The following UBOX5 variants were observed in gnomAD, a reference collection of about 807,000 sequenced individuals.
UBOX5 encodes RING finger protein 37.
Under a neutral mutation model 39.0 loss-of-function variants are expected in UBOX5, and 28 were observed. That is an observed-to-expected ratio of 0.72 (90% CI 0.53 to 0.98). UBOX5 has a LOEUF of 0.98. Among genes scored for constraint, UBOX5 ranks in the 50% least tolerant of loss-of-function variants. The pLI, the probability that UBOX5 is intolerant of heterozygous loss-of-function variation, is 0.00. For synonymous variants in UBOX5, 283 were observed against 275.5 expected, an observed-to-expected ratio of 1.03 and a Z score of -0.27; for missense variants, 585 against 674.4, an observed-to-expected ratio of 0.87 and a Z score of 1.47.
chr20:3,128,533 G>A (rs1403971904), intron 1 of UBOX5, among the ~76,000 whole-genome samples: 1 of 152,142 alleles, frequency 6.6e-6, no homozygotes, highest in African/African-American at 2.4e-5. Flanking sequence ...GCTCCAGGCA[G>A]TTCCCTCTTC....
In UBOX5 at chr20:3,122,395, C is replaced by G. The variant is rs2066345602; in HGVS notation, c.244G>C (p.Glu82Gln). Residue 82 changes from glutamate (E) to glutamine (Q), a missense_variant, in exon 3 of 5, where the codon GAA (glutamate) becomes CAA (glutamine). By Grantham distance (29) the Glu-to-Gln change is conservative. Transcript: ENST00000217173. ...CTAGATGAGGCAGATGTGTACATTT[C>G]CAGGCCAGTGACGTTCTGACCTCCC... ...AGGGQNVTGL[E>Q]MYTSASSSRV... 1.2e-6 allele frequency: 2 copies of G among 1,614,062 alleles called. No homozygotes were observed. Among genetic ancestry groups the G allele is most frequent in the African/African-American group, 1.3e-5 (1 of 74,930 alleles).
At chr20:3,120,345 CAA>C (rs35882932) in intron 3 of UBOX5, among the ~76,000 whole-genome samples, 6 of 70,978 alleles carry the variant, frequency 8.5e-5, no homozygotes, top group African/African-American at 1.0e-4. Context: ...GACTCCATCT[CAA>C]AAAAAAAAAA....
chr20:3,148,480 C>T, intron 1 of UBOX5: 4 of 1,614,128 alleles, frequency 2.5e-6, no homozygotes, highest in Non-Finnish European at 2.5e-6. Context: ...AGAGCTGTAT[C>T]TTCTTCACAC....
At chr20:3,117,887 G>A (rs988107264) in intron 3 of UBOX5, among the ~76,000 whole-genome samples, 1 of 152,066 alleles carries the variant, frequency 6.6e-6, no homozygotes, top group African/African-American at 2.4e-5. Context: ...AGCTAATCAG[G>A]AGGCTGAGGC....
chr20:3,138,979 A>G (rs375584971), intron 1 of UBOX5, among the ~76,000 whole-genome samples: 2 of 152,184 alleles, frequency 1.3e-5, no homozygotes, highest in African/African-American at 4.8e-5. Context: ...AGGTTACAGA[A>G]GGGAAAAAAA....
intron 1 of UBOX5, among the ~76,000 whole-genome samples, chr20:3,143,405 C>G (rs1475762866): frequency 6.6e-6 from 1 of 150,396 alleles, no homozygotes; most frequent in East Asian, 2.0e-4. Context: ...CCTGATTAAT[C>G]ATCTGTATTT....
intron 1 of UBOX5, among the ~76,000 whole-genome samples, chr20:3,126,724 G>A (rs758487316): frequency 7.9e-5 from 12 of 151,636 alleles, no homozygotes; most frequent in Admixed American, 2.0e-4. Flanking sequence ...GAAAATATTA[G>A]GGTTGGAAAG....
chr20:3,137,177 T>G (rs1600393827), intron 1 of UBOX5, among the ~76,000 whole-genome samples: 3 of 140,138 alleles, frequency 2.1e-5, no homozygotes, highest in Admixed American at 2.1e-4. Context: ...ACTTCTGACC[T>G]CAAGTGATCC....
chr20:3,135,841 A>G (rs911879486), intron 1 of UBOX5, among the ~76,000 whole-genome samples: 2 of 152,154 alleles, frequency 1.3e-5, no homozygotes, highest in African/African-American at 4.8e-5. Flanking sequence ...GTGAATCATT[A>G]TCAGTATCAG....
intron 3 of UBOX5, among the ~76,000 whole-genome samples, chr20:3,120,509 G>T (rs1005655864): frequency 6.6e-6 from 1 of 151,604 alleles, no homozygotes; most frequent in Non-Finnish European, 1.5e-5. Context: ...TTAGCCAGGC[G>T]TGGTGGCGGG....
intron 1 of UBOX5, among the ~76,000 whole-genome samples, chr20:3,124,584 A>G (rs2066363464): frequency 7.2e-6 from 1 of 138,596 alleles, no homozygotes; most frequent in Non-Finnish European, 1.6e-5. Context: ...CTGGCCACCC[A>G]TTGTCTGGGA....
intron 4 of UBOX5, among the ~76,000 whole-genome samples, chr20:3,111,451 A>G (rs1389146077): frequency 1.3e-5 from 2 of 152,098 alleles, no homozygotes; most frequent in Admixed American, 1.3e-4. Flanking sequence ...TGACCACCCC[A>G]TAACTCTGCT....
At chr20:3,143,652 G>A (rs1322772926) in intron 1 of UBOX5, among the ~76,000 whole-genome samples, 1 of 152,158 alleles carries the variant, frequency 6.6e-6, no homozygotes, top group South Asian at 2.1e-4. Flanking sequence ...AAAATTAGCT[G>A]GGCGTGGTGG....
chr20:3,150,588 G>A (rs1466027319), intron 1 of UBOX5: 1 of 152,190 alleles, frequency 6.6e-6, no homozygotes, highest in Non-Finnish European at 1.5e-5. Flanking sequence ...GTCAACTGAT[G>A]TACCAGACAG....
At chr20:3,131,159 G>A (rs888001239) in intron 1 of UBOX5, among the ~76,000 whole-genome samples, 11 of 151,664 alleles carry the variant, frequency 7.3e-5, no homozygotes, top group East Asian at 1.9e-4. Context: ...AACCTAGGAA[G>A]CAGAGGTTGC....
At chr20:3,115,753 CTTTTTTTTTTTTT>C (rs11481933) in intron 3 of UBOX5, among the ~76,000 whole-genome samples, 35 of 87,964 alleles carry the variant, frequency 4.0e-4, no homozygotes, top group African/African-American at 1.5e-3. Flanking sequence ...CTGCACGCTC[CTTTTTTTTTTTTT>C]TTTTTTTTTT....
chr20:3,155,722 T>C (rs1002764769), intron 1 of UBOX5, among the ~76,000 whole-genome samples: 1 of 152,202 alleles, frequency 6.6e-6, no homozygotes, highest in Non-Finnish European at 1.5e-5. Context: ...ATAAGGAAAA[T>C]GTTGAAAAGT....
At chr20:3,120,159 C>T (rs576307142) in intron 3 of UBOX5, among the ~76,000 whole-genome samples, 2 of 152,096 alleles carry the variant, frequency 1.3e-5, no homozygotes, top group Admixed American at 1.3e-4. Flanking sequence ...CCATCCCGGG[C>T]ACCATGGTGA....
intron 1 of UBOX5, among the ~76,000 whole-genome samples, chr20:3,127,360 T>C (rs2066399078): frequency 6.6e-6 from 1 of 152,226 alleles, no homozygotes; most frequent in Non-Finnish European, 1.5e-5. Context: ...TCTGAGTGGA[T>C]AGTTGCTGCA....
Sources: gnomAD v4.1 joint callset for allele counts (sites outside exome capture counted in the v4.1 genomes callset) on GRCh38, gnomAD v4.1.1 for gene constraint, MANE v1.5 for transcripts, NCBI Gene and HGNC (gene_info 2026-07-23, HGNC 2026-07-21) for gene names.